Variants in OTUD7A observed in about 807,000 individuals in gnomAD.
The protein encoded by OTUD7A is OTU domain-containing protein 7A.
In OTUD7A, 12 loss-of-function variants were observed where a neutral mutation model predicts 65.7. The observed-to-expected ratio is 0.18, with a 90% CI of 0.12 to 0.30. The LOEUF (loss-of-function observed/expected upper bound fraction) is 0.30, where lower values mean the gene tolerates loss of function less well. OTUD7A is among the 10% of genes least tolerant of loss of function. The pLI, the probability that OTUD7A is intolerant of heterozygous loss-of-function variation, is 1.00. For synonymous variants in OTUD7A, 641 were observed against 586.3 expected, an observed-to-expected ratio of 1.09 and a Z score of -1.35; for missense variants, 1,148 against 1,304.8, an observed-to-expected ratio of 0.88 and a Z score of 1.85.
At position 31,613,168 on chromosome 15, in the gene OTUD7A, A is replaced by C. The variant is rs61676608; in HGVS notation, c.151+41928T>G. Among the ~76,000 whole-genome samples, 944 of 152,310 alleles carry C rather than the reference A, an allele frequency of 6.2e-3. 11 individuals are homozygous for C. The highest frequency in any genetic ancestry group is 0.022 in the African/African-American group (899 of 41,572). On this transcript the variant is annotated intron_variant, in intron 3 of 12. Coordinates refer to ENST00000307050, the MANE Select transcript of OTUD7A (RefSeq NM_001382637.1). ...CTCAAGAGGGATTAATGACTTATAT[A>C]TAAGACCTGAAACTATAAAAATTCT...
chr15:31,698,897 T>C (rs1314130279), intron 1 of OTUD7A, among the ~76,000 whole-genome samples: 3 of 151,280 alleles, frequency 2.0e-5, no homozygotes, highest in Non-Finnish European at 4.4e-5. Flanking sequence ...GAGCATCACA[T>C]TGCCCTTCTT....
chr15:31,839,880 A>G (rs915876918), intron 1 of OTUD7A, among the ~76,000 whole-genome samples: 8 of 152,244 alleles, frequency 5.3e-5, no homozygotes, highest in Admixed American at 2.0e-4. Context: ...CCTGGGAGAT[A>G]CTGTGGGCAC....
At chr15:31,825,315 G>A (rs28370434) in intron 1 of OTUD7A, among the ~76,000 whole-genome samples, 48,403 of 152,152 alleles carry the variant, frequency 0.32, 8,391 homozygotes, top group South Asian at 0.56. Context: ...TTATCATGGC[G>A]GAAGGCAAAG....
chr15:31,759,794 C>T (rs1382877671), intron 1 of OTUD7A, among the ~76,000 whole-genome samples: 3 of 152,120 alleles, frequency 2.0e-5, no homozygotes, highest in Non-Finnish European at 4.4e-5. Flanking sequence ...TCCCAAAGTG[C>T]TGGATTACAG....
At chr15:31,496,158 T>C (rs2041380973) in intron 10 of OTUD7A, among the ~76,000 whole-genome samples, 1 of 151,782 alleles carries the variant, frequency 6.6e-6, no homozygotes, top group African/African-American at 2.4e-5. Flanking sequence ...AGGCATTACA[T>C]ACTTCCTCCA....
chr15:31,717,230 CT>C (rs11463989), intron 1 of OTUD7A, among the ~76,000 whole-genome samples: 6 of 151,958 alleles, frequency 3.9e-5, no homozygotes, highest in Non-Finnish European at 8.8e-5. Flanking sequence ...CAGTCTATCA[CT>C]TTTTTTCTTT....
chr15:31,596,956 A>G (rs962554805), intron 3 of OTUD7A, among the ~76,000 whole-genome samples: 10 of 151,944 alleles, frequency 6.6e-5, no homozygotes, highest in African/African-American at 2.4e-4. Context: ...ACATGGTTTT[A>G]CTCTATTACC....
Position 31,483,671 on chromosome 15 carries a change from G to A in OTUD7A, c.2425C>T (p.Arg809Cys), listed in dbSNP as rs1396913221. 4 of 1,162,820 alleles carry A rather than the reference G, an allele frequency of 3.4e-6. No individual in the cohort carries two copies. The highest frequency in any genetic ancestry group is 4.1e-5 in the South Asian group (1 of 24,482). The allele number at this position is 1,162,820 out of a possible 1,614,324, so 72.0% of individuals were successfully genotyped here. Reference sequence around the variant, plus strand: ...CTGTAGCTCTGCGACGACAGCGAGCGGTTCTGCTGCGGGTACGTGGCGCAC... The same window carrying A: ...CTGTAGCTCTGCGACGACAGCGAGCAGTTCTGCTGCGGGTACGTGGCGCAC... ...RPCATYPQQN[R>C]SLSSQSYSPA... is the part of the protein sequence containing the mutation. The change falls in exon 13 of 13, where the codon CGC (arginine) becomes TGC (cysteine). Residue 809 changes from arginine (R) to cysteine (C), a missense_variant. This residue lies in a region of OTUD7A where 842 missense variants were observed against 769.5 expected (regional missense o/e 1.09). Coordinates refer to ENST00000307050, the MANE Select transcript of OTUD7A (RefSeq NM_001382637.1).
intron 1 of OTUD7A, among the ~76,000 whole-genome samples, chr15:31,850,802 G>A (rs915696860): frequency 6.6e-6 from 1 of 152,146 alleles, no homozygotes; most frequent in Non-Finnish European, 1.5e-5. Flanking sequence ...GCGGCCCATG[G>A]TACTCTTGGA....
intron 3 of OTUD7A, among the ~76,000 whole-genome samples, chr15:31,638,660 G>C (rs776673204): frequency 4.6e-5 from 7 of 151,640 alleles, no homozygotes; most frequent in African/African-American, 1.7e-4. Flanking sequence ...CTCTCAAAGT[G>C]CTGGGACTAC....
At chr15:31,821,317 T>C (rs1896677997) in intron 1 of OTUD7A, among the ~76,000 whole-genome samples, 1 of 147,726 alleles carries the variant, frequency 6.8e-6, no homozygotes, top group African/African-American at 2.5e-5. Context: ...TTTTTTTTTT[T>C]TTTTTTTTAG....
At chr15:31,662,891 CAGTT>C (rs1219462072) in intron 1 of OTUD7A, among the ~76,000 whole-genome samples, 2 of 152,170 alleles carry the variant, frequency 1.3e-5, no homozygotes, top group Non-Finnish European at 2.9e-5. Context: ...GCATATTACA[CAGTT>C]ACTCTTTCAA....
At chr15:31,630,346 T>A (rs1236104887) in intron 3 of OTUD7A, among the ~76,000 whole-genome samples, 1 of 152,042 alleles carries the variant, frequency 6.6e-6, no homozygotes, top group Non-Finnish European at 1.5e-5. Context: ...CATTTCGTGA[T>A]GTACCCAGTA....
chr15:31,690,567 A>C (rs1489778928), intron 1 of OTUD7A, among the ~76,000 whole-genome samples: 1 of 152,268 alleles, frequency 6.6e-6, no homozygotes, highest in Non-Finnish European at 1.5e-5. Flanking sequence ...TAGTCCACAC[A>C]AGGTAGACCA....
intron 1 of OTUD7A, among the ~76,000 whole-genome samples, chr15:31,669,195 G>C (rs1265867535): frequency 6.6e-6 from 1 of 152,202 alleles, no homozygotes; most frequent in Non-Finnish European, 1.5e-5. Flanking sequence ...ACCAGTGGTG[G>C]GTGGGGCCCT....
chr15:31,743,839 G>A (rs1053449895), intron 1 of OTUD7A, among the ~76,000 whole-genome samples: 2 of 152,018 alleles, frequency 1.3e-5, no homozygotes, highest in Non-Finnish European at 2.9e-5. Flanking sequence ...CACCTAGCAA[G>A]ACTGATGAAA....
At chr15:31,686,539 G>A (rs932163179) in intron 1 of OTUD7A, among the ~76,000 whole-genome samples, 1 of 152,242 alleles carries the variant, frequency 6.6e-6, no homozygotes, top group African/African-American at 2.4e-5. Context: ...TCCTGGGAAA[G>A]CAGAAAAGAC....
intron 8 of OTUD7A, among the ~76,000 whole-genome samples, chr15:31,514,602 G>A (rs1035037012): frequency 3.9e-5 from 6 of 152,054 alleles, no homozygotes; most frequent in Non-Finnish European, 7.4e-5. Flanking sequence ...AAACTTGTTC[G>A]TATTCATTCT....
chr15:31,671,573 T>G (rs1209020724), intron 1 of OTUD7A, among the ~76,000 whole-genome samples: 1 of 152,226 alleles, frequency 6.6e-6, no homozygotes. Flanking sequence ...ACTTTCATAC[T>G]ATTTTTTTCA....
Sources: gnomAD v4.1 joint callset for allele counts (sites outside exome capture counted in the v4.1 genomes callset) on GRCh38, gnomAD v4.1.1 for gene constraint, gnomAD v4.1.1 regional missense constraint, MANE v1.5 for transcripts, NCBI Gene and HGNC (gene_info 2026-07-23, HGNC 2026-07-21) for gene names.